Variants in IL1R2 observed in about 807,000 individuals in gnomAD.
IL1R2 encodes interleukin-1 receptor type 2.
In IL1R2, 46 loss-of-function variants were observed where a neutral mutation model predicts 39.5. The ratio of observed to expected loss-of-function variants is 1.16; its 90% CI spans 0.92 to 1.49. IL1R2 has a LOEUF of 1.49. IL1R2 is among the 40% of genes most tolerant of loss of function. The pLI is 0.00. For missense variants in IL1R2, 537 were observed against 502.0 expected (o/e 1.07, Z -0.67); for synonymous variants, 207 against 189.6 (o/e 1.09, Z -0.75).
intron 7 of IL1R2, among the ~76,000 whole-genome samples, chr2:102,025,665 G>A (rs3218979): frequency 0.15 from 22,714 of 152,148 alleles, 1,787 homozygotes; most frequent in South Asian, 0.27. Context: ...CAGAGTGAGA[G>A]TCAGCAGTAG....
At chr2:101,992,831 C>T (rs1559407532) in intron 1 of IL1R2, among the ~76,000 whole-genome samples, 1 of 152,196 alleles carries the variant, frequency 6.6e-6, no homozygotes, top group Non-Finnish European at 1.5e-5. Context: ...TCAGGCGACT[C>T]TCCGGATTTC....
chr2:101,997,808 G>C (rs1675664154), intron 1 of IL1R2, among the ~76,000 whole-genome samples: 1 of 152,198 alleles, frequency 6.6e-6, no homozygotes, highest in Admixed American at 6.5e-5. Flanking sequence ...TCTGCATCCA[G>C]CCCTCTCTCT....
intron 1 of IL1R2, among the ~76,000 whole-genome samples, chr2:101,999,886 T>C (rs1675764927): frequency 6.6e-6 from 1 of 152,230 alleles, no homozygotes; most frequent in Non-Finnish European, 1.5e-5. Flanking sequence ...TTATATTGTG[T>C]ATTTTATAAA....
At chr2:102,004,492 CAAAA>C (rs34596104) in intron 1 of IL1R2, among the ~76,000 whole-genome samples, 3 of 99,316 alleles carry the variant, frequency 3.0e-5, no homozygotes, top group South Asian at 6.6e-4. Context: ...GGTTATTTGA[CAAAA>C]AAAAAAAAAA....
At chr2:102,014,354 A>G (rs752099370) in intron 3 of IL1R2, among the ~76,000 whole-genome samples, 3 of 152,206 alleles carry the variant, frequency 2.0e-5, no homozygotes, top group African/African-American at 4.8e-5. Context: ...AGTACACAGC[A>G]CAGGGTCTGG....
intron 1 of IL1R2, among the ~76,000 whole-genome samples, chr2:102,003,852 G>T (rs376564207): frequency 9.8e-4 from 134 of 136,186 alleles, no homozygotes; most frequent in Non-Finnish European, 1.6e-3. Flanking sequence ...TGTGTCTGTG[G>T]CTGTGTCTGT....
rs528902105 is a variant in IL1R2 at position 102,006,919 on chromosome 2, C to T, written c.-61-1596C>T. On this transcript the variant is annotated intron_variant, in intron 1 of 8. Coordinates refer to ENST00000332549, the MANE Select transcript of IL1R2 (RefSeq NM_004633.4). ...CTTTTGGCCGCATCGTTTCCAGTTT[C>T]GCCATCCCCAAAGAGGATCATCTCC... is the stretch of plus-strand genomic sequence containing the variant. 5.3e-5 allele frequency among the ~76,000 whole-genome samples: 8 copies of T among 152,330 alleles called. No individual in the cohort carries two copies. In the East Asian group the frequency reaches 5.8e-4, roughly 11 times the overall value.
intron 6 of IL1R2, 122 bp from the exon 7 acceptor site, chr2:102,024,411 C>CA: frequency 1.4e-6 from 1 of 706,232 alleles, no homozygotes; most frequent in South Asian, 1.7e-5. Flanking sequence ...AATTTTCTAC[C>CA]AAGGAAAGAA....
At chr2:102,027,887 T>C (rs1677830300) in intron 8 of IL1R2, among the ~76,000 whole-genome samples, 1 of 152,226 alleles carries the variant, frequency 6.6e-6, no homozygotes, top group African/African-American at 2.4e-5. Flanking sequence ...AGATTGTTCC[T>C]GGCTCTGTCA....
At chr2:101,992,533 GGA>G (rs1408610010) in intron 1 of IL1R2, among the ~76,000 whole-genome samples, 1 of 121,258 alleles carries the variant, frequency 8.2e-6, no homozygotes, top group Non-Finnish European at 1.7e-5. Flanking sequence ...AGACAGAGAT[GGA>G]GAGAGACAGA....
intron 3 of IL1R2, among the ~76,000 whole-genome samples, chr2:102,014,683 G>A (rs1338715559): frequency 1.3e-5 from 2 of 151,666 alleles, no homozygotes; most frequent in Non-Finnish European, 2.9e-5. Context: ...GGATGGTTTA[G>A]ATTTTGCTGT....
chr2:102,022,098 A>T (rs1012223105), intron 5 of IL1R2, 89 bp from the exon 6 acceptor site: 4 of 1,066,282 alleles, frequency 3.8e-6, no homozygotes, highest in Admixed American at 3.5e-5. Flanking sequence ...GGAAAGGATA[A>T]CTTAGTTGAT....
chr2:102,002,716 G>C (rs780288198), intron 1 of IL1R2, among the ~76,000 whole-genome samples: 2 of 62,372 alleles, frequency 3.2e-5, no homozygotes, highest in Non-Finnish European at 8.8e-5. Flanking sequence ...CTATGTCTAT[G>C]TCTATGCCTA....
At chr2:102,008,889 G>C (rs750337399) in intron 2 of IL1R2, among the ~76,000 whole-genome samples, 1 of 150,598 alleles carries the variant, frequency 6.6e-6, no homozygotes, top group African/African-American at 2.4e-5. Context: ...GTAGTTGGGC[G>C]TGGTGGTGCG....
At chr2:102,016,483 G>A (rs3218906) in intron 4 of IL1R2, 26,891 of 160,538 alleles carry the variant, frequency 0.17, 2,685 homozygotes, top group East Asian at 0.28. Flanking sequence ...ATGTTTATAT[G>A]TACAAAAACT....
At chr2:102,023,519 G>A (rs533340134) in intron 6 of IL1R2, 1 of 152,328 alleles carries the variant, frequency 6.6e-6, no homozygotes, top group South Asian at 2.1e-4. Context: ...GGTCATAGGA[G>A]TGGCATAGGA....
chr2:102,012,030 G>T (rs1453024522), intron 3 of IL1R2, among the ~76,000 whole-genome samples: 2 of 152,194 alleles, frequency 1.3e-5, no homozygotes, highest in African/African-American at 4.8e-5. Context: ...GTCTTGACAT[G>T]TCCTACTCCT....
At chr2:102,008,765 G>A (rs1468862914) in intron 2 of IL1R2, 123 bp downstream of exon 2, 3 of 746,042 alleles carry the variant, frequency 4.0e-6, no homozygotes, top group Non-Finnish European at 6.8e-6. Flanking sequence ...GCTGCCGGCT[G>A]TAATGTTAGT....
At chr2:102,004,620 A>G (rs887502649) in intron 1 of IL1R2, among the ~76,000 whole-genome samples, 2 of 152,192 alleles carry the variant, frequency 1.3e-5, no homozygotes, top group Admixed American at 1.3e-4. Flanking sequence ...CTGTGATTTA[A>G]AAACTCATTT....
Sources: allele counts gnomAD v4.1 joint callset (sites outside exome capture counted in the v4.1 genomes callset), GRCh38; gene constraint gnomAD v4.1.1; transcripts MANE v1.5; gene names NCBI Gene and HGNC (gene_info 2026-07-23, HGNC 2026-07-21).